The following KHDRBS2 variants were observed in gnomAD, a reference collection of about 807,000 sequenced individuals.
KHDRBS2 encodes KH RNA binding domain containing, signal transduction associated 2.
In KHDRBS2, 26 loss-of-function variants were observed where a neutral mutation model predicts 44.3. The observed-to-expected ratio is 0.59, with a 90% confidence interval of 0.43 to 0.81. The LOEUF is 0.81. Ranked by LOEUF, KHDRBS2 falls within the 40% of genes least tolerant of loss-of-function variation. KHDRBS2 has a pLI of 0.00. For missense variants in KHDRBS2, 476 were observed against 433.1 expected (o/e 1.10, Z -0.88); for synonymous variants, 194 against 151.1 (o/e 1.28, Z -2.08).
chr6:61,586,210 A>G, the KHDRBS2 span, among the ~76,000 whole-genome samples: 2 of 152,198 alleles, frequency 1.3e-5, no homozygotes, highest in African/African-American at 4.8e-5. Context: ...GATCCTGCTG[A>G]TATTAATTAG....
At chr6:61,721,469 T>C (rs1395338044) in intron 7 of KHDRBS2, among the ~76,000 whole-genome samples, 7 of 147,884 alleles carry the variant, frequency 4.7e-5, no homozygotes, top group Non-Finnish European at 4.5e-5. Flanking sequence ...CAGTGGTTTG[T>C]AGTTCTCCTT....
intron 8 of KHDRBS2, among the ~76,000 whole-genome samples, chr6:61,696,040 G>A (rs1767864137): frequency 6.6e-6 from 1 of 151,850 alleles, no homozygotes; most frequent in South Asian, 2.1e-4. Context: ...CTATTCGCAG[G>A]CATGATCATT....
At chr6:62,216,782 T>C (rs985845472) in intron 1 of KHDRBS2, among the ~76,000 whole-genome samples, 6 of 150,906 alleles carry the variant, frequency 4.0e-5, no homozygotes, top group African/African-American at 1.2e-4. Context: ...GGATAGACTT[T>C]AGATGACCAA....
chr6:62,229,287 C>T (rs1430750636), intron 1 of KHDRBS2, among the ~76,000 whole-genome samples: 1 of 152,142 alleles, frequency 6.6e-6, no homozygotes, highest in Non-Finnish European at 1.5e-5. Flanking sequence ...ACTCGGTCTA[C>T]AGTATGCCAC....
Position 62,035,819 on chromosome 6 carries a change from C to T in KHDRBS2, c.336+12059G>A, listed in dbSNP as rs572462831. ...AGTAAAAACATTTCTAAAAATGTAA[C>T]AGCGTGGCTCTGGTCATTTTAATAA... On this transcript the variant is annotated intron_variant, in intron 3 of 8. Coordinates refer to ENST00000281156, the MANE Select transcript of KHDRBS2 (RefSeq NM_152688.4). Among the ~76,000 whole-genome samples, 3 of 152,096 alleles carry T rather than the reference C, an allele frequency of 2.0e-5. No homozygotes were observed. The South Asian group carries it at 6.2e-4, about 31-fold the overall frequency.
intron 3 of KHDRBS2, among the ~76,000 whole-genome samples, chr6:62,035,473 A>G (rs1268684398): frequency 6.6e-6 from 1 of 151,986 alleles, no homozygotes; most frequent in African/African-American, 2.4e-5. Context: ...CAGAAAGTAG[A>G]ATGATGGTCA....
At chr6:61,739,244 ATC>A (rs1189203700) in intron 6 of KHDRBS2, among the ~76,000 whole-genome samples, 10 of 151,932 alleles carry the variant, frequency 6.6e-5, no homozygotes, top group Non-Finnish European at 1.5e-5. Flanking sequence ...CTTGCTTATT[ATC>A]TGATTCAGCA....
chr6:62,260,349 G>A (rs1838137123), intron 1 of KHDRBS2, among the ~76,000 whole-genome samples: 1 of 151,890 alleles, frequency 6.6e-6, no homozygotes, highest in African/African-American at 2.4e-5. Flanking sequence ...TTGATGGAAG[G>A]GTAGAATGAC....
At chr6:61,911,704 A>AT (rs1188685962) in intron 4 of KHDRBS2, among the ~76,000 whole-genome samples, 1 of 151,906 alleles carries the variant, frequency 6.6e-6, no homozygotes, top group Non-Finnish European at 1.5e-5. Context: ...ATTCTCCTAT[A>AT]TTTTTCCCCA....
At chr6:61,865,734 AG>A (rs1797686330) in intron 6 of KHDRBS2, among the ~76,000 whole-genome samples, 1 of 152,222 alleles carries the variant, frequency 6.6e-6, no homozygotes, top group Non-Finnish European at 1.5e-5. Context: ...CACAGTCCAA[AG>A]TCTCATCTGA....
the KHDRBS2 span, among the ~76,000 whole-genome samples, chr6:61,572,496 A>T: frequency 6.6e-6 from 1 of 152,110 alleles, no homozygotes; most frequent in Non-Finnish European, 1.5e-5. Context: ...ATACAAAACC[A>T]GGAAAAGACA....
the KHDRBS2 span, among the ~76,000 whole-genome samples, chr6:61,556,871 GATTTTTTTTTT>G: frequency 1.8e-5 from 2 of 113,642 alleles, no homozygotes; most frequent in African/African-American, 6.8e-5. Flanking sequence ...GTGAAATTGA[GATTTTTTTTTT>G]TTTTTTTTTT....
intron 4 of KHDRBS2, among the ~76,000 whole-genome samples, chr6:61,916,020 C>T (rs1382555204): frequency 6.6e-6 from 1 of 151,922 alleles, no homozygotes; most frequent in Non-Finnish European, 1.5e-5. Context: ...ATATGCATAC[C>T]CCGATTCTTA....
chr6:62,102,974 GA>G (rs1428946156), intron 2 of KHDRBS2, among the ~76,000 whole-genome samples: 1 of 152,154 alleles, frequency 6.6e-6, no homozygotes, highest in East Asian at 1.9e-4. Context: ...CAAGAGATCC[GA>G]AGTGTGTACC....
At chr6:62,124,744 GTAGA>G (rs1481515509) in intron 2 of KHDRBS2, among the ~76,000 whole-genome samples, 1 of 151,754 alleles carries the variant, frequency 6.6e-6, no homozygotes, top group Non-Finnish European at 1.5e-5. Context: ...TTTCCTTTAG[GTAGA>G]TACTTAGTAC....
rs140340675 is a variant in KHDRBS2 at position 62,047,888 on chromosome 6, T to A, written c.326A>T (p.Asp109Val). 12 of 1,600,642 alleles carry A rather than the reference T, an allele frequency of 7.5e-6. No homozygotes were observed. The highest frequency in any genetic ancestry group is 1.0e-5 in the Non-Finnish European group (12 of 1,168,224). The change falls in exon 3 of 9, where the codon GAT (aspartate) becomes GTT (valine). Residue 109 changes from aspartate to valine, a missense_variant. Physicochemically the swap from Asp to Val is radical, Grantham distance 152. Transcript: ENST00000281156. ...MSILGKGSMR[D>V]KAKEEELRKS... is the part of the protein sequence containing the mutation. ...TTCAAAGTTCAGTACCTTAGCTTTA[T>A]CTCTCATTGATCCTTTGCCCAGGAT... is the stretch of plus-strand genomic sequence containing the variant.
the KHDRBS2 span, among the ~76,000 whole-genome samples, chr6:61,564,862 T>C: frequency 1.3e-5 from 2 of 152,042 alleles, no homozygotes; most frequent in Non-Finnish European, 2.9e-5. Context: ...AGAACAAAGA[T>C]GGAAATATCA....
At chr6:62,105,457 C>T (rs1584730941) in intron 2 of KHDRBS2, among the ~76,000 whole-genome samples, 1 of 152,216 alleles carries the variant, frequency 6.6e-6, no homozygotes, top group East Asian at 1.9e-4. Flanking sequence ...ATTTCAGAGC[C>T]TGTTATTGGT....
At chr6:61,747,913 G>A (rs1190947172) in intron 6 of KHDRBS2, among the ~76,000 whole-genome samples, 1 of 152,148 alleles carries the variant, frequency 6.6e-6, no homozygotes, top group Admixed American at 6.5e-5. Flanking sequence ...TAAATGTTCA[G>A]GTTGTTATTA....
Sources: gnomAD v4.1 joint callset for allele counts (sites outside exome capture counted in the v4.1 genomes callset) on GRCh38, gnomAD v4.1.1 for gene constraint, MANE v1.5 for transcripts, NCBI Gene and HGNC (gene_info 2026-07-23, HGNC 2026-07-21) for gene names.